The following GRM7 variants were observed in gnomAD, a reference collection of about 807,000 sequenced individuals.
GRM7 encodes the protein glutamate metabotropic receptor 7.
Under a neutral mutation model 84.5 loss-of-function variants are expected in GRM7, and 35 were observed. The ratio of observed to expected loss-of-function variants is 0.41; its 90% CI spans 0.32 to 0.55. The LOEUF is 0.55. Among genes scored for constraint, GRM7 ranks in the 20% least tolerant of loss-of-function variants. The pLI is 0.19. For missense variants in GRM7, 1,003 were observed against 1,194.6 expected (o/e 0.84, Z 2.36); for synonymous variants, 487 against 455.1 (o/e 1.07, Z -0.89).
At chr3:7,485,340 A>G (rs765429296) in intron 7 of GRM7, among the ~76,000 whole-genome samples, 4 of 152,174 alleles carry the variant, frequency 2.6e-5, no homozygotes, top group Non-Finnish European at 4.4e-5. Flanking sequence ...TTATCAGTGA[A>G]ATGTTCCTTA....
intron 7 of GRM7, among the ~76,000 whole-genome samples, chr3:7,550,269 AC>A (rs1457109717): frequency 9.9e-6 from 1 of 100,850 alleles, no homozygotes; most frequent in Non-Finnish European, 2.0e-5. Context: ...TCCTCTCCCA[AC>A]CCCCTCCTCC....
intron 9 of GRM7, among the ~76,000 whole-genome samples, chr3:7,735,938 T>C (rs1266102846): frequency 1.5e-4 from 23 of 152,210 alleles, no homozygotes. Flanking sequence ...TGCATAGCTT[T>C]AGGTTTTCTA....
At chr3:7,710,509 AT>A (rs5846533) in intron 9 of GRM7, among the ~76,000 whole-genome samples, 140,792 of 152,126 alleles carry the variant, frequency 0.93, 65,386 homozygotes, top group South Asian at 0.98. Context: ...TAAAAGGAGC[AT>A]TATCAGGAAA....
At chr3:7,706,961 A>T (rs1468518994) in intron 9 of GRM7, among the ~76,000 whole-genome samples, 1 of 150,966 alleles carries the variant, frequency 6.6e-6, no homozygotes, top group Non-Finnish European at 1.5e-5. Context: ...GGAAAGGTTA[A>T]ATTCTTTATG....
chr3:6,984,979 C>T (rs898307638), intron 1 of GRM7, among the ~76,000 whole-genome samples: 1 of 152,172 alleles, frequency 6.6e-6, no homozygotes, highest in Non-Finnish European at 1.5e-5. Context: ...TTTTCTTCAG[C>T]GTCAGACAGA....
At chr3:7,275,473 T>C (rs1699018994) in intron 2 of GRM7, among the ~76,000 whole-genome samples, 1 of 152,088 alleles carries the variant, frequency 6.6e-6, no homozygotes, top group Non-Finnish European at 1.5e-5. Flanking sequence ...GTCTCAGTTT[T>C]TCAGGAAGCC....
chr3:6,980,511 A>G lies in GRM7; in HGVS notation c.519+118604A>G, dbSNP rs77763833. On this transcript the variant is annotated intron_variant, in intron 1 of 9. Coordinates refer to ENST00000357716, the MANE Select transcript of GRM7 (RefSeq NM_000844.4). ...CTAGATCTCTAGCTCTCCTCTGTGA[A>G]ATCCAATTAAACTAGTTTGTTAAAG... Among the ~76,000 whole-genome samples the G allele has an allele frequency of 9.3e-4, 142 of 152,308 alleles. 1 individual carries two copies. Among genetic ancestry groups the G allele is most frequent in the African/African-American group, 3.3e-3 (136 of 41,556 alleles).
chr3:7,578,710 A>T lies in GRM7; in HGVS notation c.1804A>T (p.Ile602Phe), dbSNP rs747989941. The change falls in exon 8 of 10, where the codon ATC (isoleucine) becomes TTC (phenylalanine). Residue 602 changes from isoleucine to phenylalanine, a missense_variant. Around this residue, in one of 2 missense-constraint regions of GRM7, gnomAD observed 910 missense variants for 1,126.0 expected, o/e 0.81. Transcript: ENST00000357716. ...VIPVFLAMLG[I>F]IATIFVMATF... ...TCCTGTCTTCCTGGCAATGTTGGGG[A>T]TCATTGCCACCATCTTTGTCATGGC... 1 of 1,614,012 alleles carries T rather than the reference A, an allele frequency of 6.2e-7. No homozygotes were observed. The highest frequency in any genetic ancestry group is 8.5e-7 in the Non-Finnish European group (1 of 1,179,988).
At chr3:7,634,364 C>T (rs980337944) in intron 8 of GRM7, among the ~76,000 whole-genome samples, 2 of 148,890 alleles carry the variant, frequency 1.3e-5, no homozygotes, top group Non-Finnish European at 3.0e-5. Context: ...GAAACAGCAA[C>T]AAAAACATTG....
chr3:7,366,411 A>C (rs1371154425), intron 4 of GRM7, among the ~76,000 whole-genome samples: 1 of 151,844 alleles, frequency 6.6e-6, no homozygotes, highest in Non-Finnish European at 1.5e-5. Flanking sequence ...GAAAGTTTGC[A>C]TTTCCTCAGT....
At chr3:7,311,504 T>C (rs1345751568) in intron 4 of GRM7, among the ~76,000 whole-genome samples, 1 of 152,134 alleles carries the variant, frequency 6.6e-6, no homozygotes, top group Non-Finnish European at 1.5e-5. Context: ...TAAAGTCTTC[T>C]GTGGTTCTAG....
chr3:7,096,993 A>T (rs1698880659), intron 1 of GRM7, among the ~76,000 whole-genome samples: 1 of 152,188 alleles, frequency 6.6e-6, no homozygotes, highest in South Asian at 2.1e-4. Context: ...CTTCCAACTG[A>T]ATTGTAGCTG....
intron 1 of GRM7, among the ~76,000 whole-genome samples, chr3:7,116,641 G>C (rs142085577): frequency 6.6e-6 from 1 of 152,204 alleles, no homozygotes; most frequent in African/African-American, 2.4e-5. Context: ...TAAATTACTG[G>C]AGTGGTACCA....
intron 2 of GRM7, among the ~76,000 whole-genome samples, chr3:7,179,437 G>A (rs1323569211): frequency 1.3e-5 from 2 of 152,202 alleles, no homozygotes; most frequent in African/African-American, 4.8e-5. Flanking sequence ...GCTTGCTTTG[G>A]TGTTGATTTT....
intron 4 of GRM7, among the ~76,000 whole-genome samples, chr3:7,340,048 C>T (rs1701579219): frequency 1.3e-5 from 2 of 152,080 alleles, no homozygotes; most frequent in Non-Finnish European, 2.9e-5. Context: ...TTTCTTCTAA[C>T]ACTCAAAAGT....
chr3:7,034,059 A>T (rs556424173), intron 1 of GRM7, among the ~76,000 whole-genome samples: 171 of 152,284 alleles, frequency 1.1e-3, no homozygotes, highest in Non-Finnish European at 2.1e-3. Context: ...CTGATTATAG[A>T]TACCTTTCAA....
At chr3:7,645,406 G>A (rs1224796658) in intron 8 of GRM7, among the ~76,000 whole-genome samples, 1 of 151,774 alleles carries the variant, frequency 6.6e-6, no homozygotes, top group Admixed American at 6.6e-5. Context: ...AATTAGCTGG[G>A]TGTGGTGGTG....
intron 5 of GRM7, among the ~76,000 whole-genome samples, chr3:7,421,662 T>C (rs966705052): frequency 6.6e-6 from 1 of 151,798 alleles, no homozygotes; most frequent in South Asian, 2.1e-4. Flanking sequence ...CTGCCCTTAG[T>C]AGTGAAGATG....
At chr3:7,380,854 A>G (rs73013659) in intron 4 of GRM7, among the ~76,000 whole-genome samples, 22,580 of 152,198 alleles carry the variant, frequency 0.15, 1,816 homozygotes, top group South Asian at 0.28. Context: ...TCCTCTGTTT[A>G]CATATTCCTT....
Sources: allele counts gnomAD v4.1 joint callset (sites outside exome capture counted in the v4.1 genomes callset), GRCh38; gene constraint gnomAD v4.1.1; regional missense constraint gnomAD v4.1.1; transcripts MANE v1.5; gene names NCBI Gene and HGNC (gene_info 2026-07-23, HGNC 2026-07-21).